The following ITGA2B variants were observed in gnomAD, a reference collection of about 807,000 sequenced individuals.
ITGA2B encodes integrin alpha-IIb.
Under a neutral mutation model 142.0 loss-of-function variants are expected in ITGA2B, and 91 were observed. That is an observed-to-expected ratio of 0.64 (90% CI 0.54 to 0.76). The LOEUF (loss-of-function observed/expected upper bound fraction) is 0.76, where lower values mean the gene tolerates loss of function less well. ITGA2B is among the 30% of genes least tolerant of loss of function. The pLI, the probability that ITGA2B is intolerant of heterozygous loss-of-function variation, is 0.00. For missense variants in ITGA2B, 1,231 were observed against 1,350.8 expected, an observed-to-expected ratio of 0.91 and a Z score of 1.39; for synonymous variants, 536 against 567.2, an observed-to-expected ratio of 0.94 and a Z score of 0.78.
At chr17:44,389,042 CTT>C (rs1201329719) in intron 1 of ITGA2B, among the ~76,000 whole-genome samples, 2 of 152,094 alleles carry the variant, frequency 1.3e-5, no homozygotes, top group Non-Finnish European at 2.9e-5. Context: ...AGCATCAACT[CTT>C]GTCTTCCCTT....
At chr17:44,380,216 C>T (rs1176619603) in intron 16 of ITGA2B, 30 bp downstream of exon 16, 3 of 1,614,168 alleles carry the variant, frequency 1.9e-6, no homozygotes, top group Non-Finnish European at 2.5e-6. Flanking sequence ...TCCAAGCCCA[C>T]CTCCCTCCTG....
At chr17:44,377,549 G>A in intron 21 of ITGA2B, 149 bp downstream of exon 21, 1 of 683,932 alleles carries the variant, frequency 1.5e-6, no homozygotes, top group Non-Finnish European at 2.6e-6. Flanking sequence ...GCTCAGAGAG[G>A]GAAAGTCACT....
chr17:44,380,747 C>G (rs771571555), intron 13 of ITGA2B, 102 bp from the exon 14 acceptor site: 2 of 1,588,100 alleles, frequency 1.3e-6, no homozygotes, highest in East Asian at 4.5e-5. Context: ...CTGGAGGTTT[C>G]ACCCAGCCCC....
In ITGA2B at chr17:44,375,924, T is replaced by C. The variant is rs754155772; in HGVS notation, c.2510A>G (p.Gln837Arg). The C allele has an allele frequency of 1.2e-6, 2 of 1,613,828 alleles. No individual in the cohort carries two copies. The highest frequency in any genetic ancestry group is 1.7e-6 in the Non-Finnish European group (2 of 1,179,962). ...GLHLSIHLPG[Q>R]SQPSDLLYIL... is the part of the protein sequence containing the mutation. ...GTAGAGCAGGTCGGAGGGCTGGGACTGTCCCGGAAGGTGGATGCTGAGGTG... is the reference window on the plus strand; with the variant it reads ...GTAGAGCAGGTCGGAGGGCTGGGACCGTCCCGGAAGGTGGATGCTGAGGTG... Residue 837 changes from glutamine to arginine, a missense_variant, in exon 25 of 30, where the codon CAG becomes CGG. By Grantham distance (43) the Gln-to-Arg change is conservative. This residue lies in a region of ITGA2B where 908 missense variants were observed against 1,021.1 expected (regional missense o/e 0.89). Coordinates refer to ENST00000262407, the MANE Select transcript of ITGA2B (RefSeq NM_000419.5).
Position 44,383,596 on chromosome 17 carries a change from G to A in ITGA2B, c.1107C>T (p.His369=), listed in dbSNP as rs187264223. The A allele has an allele frequency of 9.9e-6, 16 of 1,610,850 alleles. No individual in the cohort carries two copies. The highest frequency in any genetic ancestry group is 4.5e-5 in the East Asian group (2 of 44,830). The change falls in exon 12 of 30, where the codon CAC becomes CAT. Residue 369 remains histidine (H), a synonymous_variant. Coordinates refer to ENST00000262407, the MANE Select transcript of ITGA2B (RefSeq NM_000419.5). ...GCAGGAGGCTGGGGGCACCCAGCGC[G>A]TGGGGGCCTCGCGGCTGCAGGAACA... ...VYLFLQPRGP[H]ALGAPSLLLT...
intron 7 of ITGA2B, 89 bp from the exon 8 acceptor site, chr17:44,384,674 G>T: frequency 6.8e-7 from 1 of 1,466,728 alleles, no homozygotes; most frequent in South Asian, 1.1e-5. Flanking sequence ...AGGCCACTCA[G>T]CCCCAGCCCT....
intron 1 of ITGA2B, 79 bp from the exon 2 acceptor site, chr17:44,386,210 C>T (rs919888700): frequency 1.5e-5 from 23 of 1,535,368 alleles, no homozygotes; most frequent in South Asian, 2.4e-5. Flanking sequence ...GAGCACTGCC[C>T]GGAAGGCCAT....
intron 18 of ITGA2B, among the ~76,000 whole-genome samples, chr17:44,379,113 ATT>A (rs540432584): frequency 8.7e-5 from 12 of 137,960 alleles, no homozygotes; most frequent in Admixed American, 1.5e-4. Context: ...CGCCCAGCTA[ATT>A]TTTTTTTTTT....
chr17:44,386,229 G>C lies in ITGA2B; in HGVS notation c.189-98C>G, dbSNP rs969312337. 1.6e-5 allele frequency: 24 copies of C among 1,517,292 alleles called. No homozygotes were observed. In the Admixed American group the frequency reaches 1.8e-4, roughly 11 times the overall value. The allele number at this position is 1,517,292 out of a possible 1,614,324, so 94.0% of individuals were successfully genotyped here. A position where few individuals can be genotyped will look rare whatever the true frequency, so the allele number is the denominator to read the frequency against. On this transcript the variant is annotated intron_variant, in intron 1 of 29. Coordinates refer to ENST00000262407, the MANE Select transcript of ITGA2B (RefSeq NM_000419.5). ...ACTGCCCGGAAGGCCATGTGGCATG[G>C]GGGCACTGGACCATCTTTCCTCAAT...
At chr17:44,379,626 C>A in intron 18 of ITGA2B, 63 bp downstream of exon 18, 1 of 1,612,754 alleles carries the variant, frequency 6.2e-7, no homozygotes, top group South Asian at 1.1e-5. Flanking sequence ...TTGGCACTAA[C>A]CCTAATCCTG....
intron 12 of ITGA2B, among the ~76,000 whole-genome samples, chr17:44,381,626 A>G (rs1425103114): frequency 7.2e-6 from 1 of 138,352 alleles, no homozygotes. Context: ...CACCGTGCCC[A>G]AGCCCCTTTT....
rs144347769 is a variant in ITGA2B, at chr17:44,375,950, A to G, written c.2484T>C (p.Leu828=). ...HNNGPGTVNG[L]HLSIHLPGQS... ...GTCCCGGAAGGTGGATGCTGAGGTGAAGACCATTCACAGTCCCAGGGCCAT... is the reference window on the plus strand; with the variant it reads ...GTCCCGGAAGGTGGATGCTGAGGTGGAGACCATTCACAGTCCCAGGGCCAT... Residue 828 remains leucine, a synonymous_variant, in exon 25 of 30, where the codon CTT becomes CTC. Coordinates refer to ENST00000262407, the MANE Select transcript of ITGA2B (RefSeq NM_000419.5). 3.9e-5 allele frequency: 63 copies of G among 1,613,976 alleles called. No homozygotes were observed. Among genetic ancestry groups the G allele is most frequent in the Middle Eastern group, 3.3e-4 (2 of 6,084 alleles).
rs2143489585 is a variant in ITGA2B, at chr17:44,385,719, G to C, written c.409-3C>G. ...CAGTGCTGCCAGGGGGCGCAGGCCT[G>C]GAGAAAGGCCACAGGAGTGGGGACG... On this transcript the variant is annotated splice_region_variant and splice_polypyrimidine_tract_variant and intron_variant, in intron 3 of 29. Coordinates refer to ENST00000262407, the MANE Select transcript of ITGA2B (RefSeq NM_000419.5). 6.2e-7 allele frequency: 1 copy of C among 1,613,628 alleles called. No individual in the cohort carries two copies.
At chr17:44,383,096 C>A (rs1276437642) in intron 12 of ITGA2B, among the ~76,000 whole-genome samples, 1 of 152,156 alleles carries the variant, frequency 6.6e-6, no homozygotes, top group Non-Finnish European at 1.5e-5. Context: ...AACTGCTGAT[C>A]TCCCGCCTCT....
At position 44,385,800 on chromosome 17, in the gene ITGA2B, T is replaced by G. The variant is rs552464834; in HGVS notation, c.408+24A>C. On this transcript the variant is annotated intron_variant, in intron 3 of 29. Coordinates refer to ENST00000262407, the MANE Select transcript of ITGA2B (RefSeq NM_000419.5). ...GGTGTCCCTGCCCCCGATTGTTCCCTGTGCCCTGTACCGCGGGGCCCACCA... is the reference window on the plus strand; with the variant it reads ...GGTGTCCCTGCCCCCGATTGTTCCCGGTGCCCTGTACCGCGGGGCCCACCA... The G allele has an allele frequency of 9.3e-6, 15 of 1,607,572 alleles. No homozygotes were observed. The African/African-American group carries it at 1.7e-4, about 19-fold the overall frequency.
Position 44,378,646 on chromosome 17 carries a change from C to G in ITGA2B, c.1943G>C (p.Ser648Thr). 2 of 1,566,030 alleles carry G rather than the reference C, an allele frequency of 1.3e-6. No homozygotes were observed. Among genetic ancestry groups the G allele is most frequent in the Non-Finnish European group, 1.7e-6 (2 of 1,154,906 alleles). Residue 648 changes from serine (S) to threonine (T), a missense_variant, in exon 19 of 30, where the codon AGC (serine) becomes ACC (threonine). Ser to Thr is a moderately conservative substitution (Grantham distance 58, BLOSUM62 1). This residue lies in a region of ITGA2B where 908 missense variants were observed against 1,021.1 expected (regional missense o/e 0.89). Coordinates refer to ENST00000262407, the MANE Select transcript of ITGA2B (RefSeq NM_000419.5). The part of the protein sequence containing the change: ...VCVPQLQLTA[S>T]VTGSPLLVGA... ...GCAGAATGGGAGGCCTCCTCACACG[C>G]TGGCAGTGAGCTGAAGCTGGGGCAC...
Position 44,384,140 on chromosome 17 carries a change from T to A in ITGA2B, c.892-2A>T, listed in dbSNP as rs1197782376. ...GTAGTAGGAATCCAAAATTTCCACCTGCACGGACAGCGCAGGCGAGAGCAT... is the reference window on the plus strand; with the variant it reads ...GTAGTAGGAATCCAAAATTTCCACCAGCACGGACAGCGCAGGCGAGAGCAT... On this transcript the variant is annotated splice_acceptor_variant, in intron 9 of 29. Transcript: ENST00000262407. LOFTEE classifies it high-confidence loss of function. 1 of 1,613,288 alleles carries A rather than the reference T, an allele frequency of 6.2e-7. No individual in the cohort carries two copies. The highest frequency in any genetic ancestry group is 8.5e-7 in the Non-Finnish European group (1 of 1,179,776).
rs1331978974 is a variant in ITGA2B, at chr17:44,385,472, C to T, written c.574+79G>A. 1.4e-5 allele frequency: 21 copies of T among 1,462,024 alleles called. No homozygotes were observed. In the Admixed American group the frequency reaches 2.5e-4, roughly 17 times the overall value. 90.6% of individuals were successfully genotyped at this position (1,462,024 alleles called of 1,614,324 possible). The stretch of plus-strand genomic sequence containing the variant: ...GAGGCCAGATCCAAAGCAAGGGCTG[C>T]GGCGCTGGGGGCGGGATCCGATGGG... On this transcript the variant is annotated intron_variant, in intron 4 of 29. Coordinates refer to ENST00000262407, the MANE Select transcript of ITGA2B (RefSeq NM_000419.5).
In ITGA2B at chr17:44,376,311, C is replaced by G. The variant is rs765883011; in HGVS notation, c.2345G>C (p.Arg782Pro). ...PVRAEAQVEL[R>P]GNSFPASLVV... Reference sequence around the variant, plus strand: ...TTCTCCACCCCTGGCCTCTCACCCTCGCAGCTCCACTTGGGCCTCTGCCCG... The same window carrying G: ...TTCTCCACCCCTGGCCTCTCACCCTGGCAGCTCCACTTGGGCCTCTGCCCG... The change falls in exon 23 of 30, where the codon CGA becomes CCA. Residue 782 changes from arginine to proline, a missense_variant. Arg to Pro is a moderately radical substitution (Grantham distance 103, BLOSUM62 -2). This residue lies in a region of ITGA2B where 908 missense variants were observed against 1,021.1 expected (regional missense o/e 0.89). Transcript: ENST00000262407. The G allele has an allele frequency of 6.2e-7, 1 of 1,614,082 alleles. No homozygotes were observed. Among genetic ancestry groups the G allele is most frequent in the African/African-American group, 1.3e-5 (1 of 74,934 alleles).
Sources: gnomAD v4.1 joint callset for allele counts (sites outside exome capture counted in the v4.1 genomes callset) on GRCh38, gnomAD v4.1.1 for gene constraint, gnomAD v4.1.1 regional missense constraint, MANE v1.5 for transcripts, NCBI Gene and HGNC (gene_info 2026-07-23, HGNC 2026-07-21) for gene names.